The following DRC1 variants were observed in gnomAD, a reference collection of about 807,000 sequenced individuals.
DRC1 encodes the protein dynein regulatory complex subunit 1, also known as dynein regulatory complex protein 1.
DRC1 carries 74 observed loss-of-function variants against 98.7 expected under a neutral mutation model. The ratio of observed to expected loss-of-function variants is 0.75; its 90% CI spans 0.62 to 0.91. DRC1 has a LOEUF of 0.91. Among genes scored for constraint, DRC1 ranks in the 40% least tolerant of loss-of-function variants. The probability of loss-of-function intolerance (pLI) is 0.00; values close to 1 mark genes in which losing one functional copy is unlikely to be tolerated. For missense variants in DRC1, 875 were observed against 886.0 expected, an observed-to-expected ratio of 0.99 and a Z score of 0.16; for synonymous variants, 336 against 334.1, an observed-to-expected ratio of 1.01 and a Z score of -0.06.
intron 7 of DRC1, among the ~76,000 whole-genome samples, chr2:26,435,917 A>G (rs967413684): frequency 6.6e-6 from 1 of 152,210 alleles, no homozygotes. Context: ...TGCAATGAAC[A>G]TATGCATGCA....
At chr2:26,447,305 C>T (rs1214221517) in intron 10 of DRC1, among the ~76,000 whole-genome samples, 5 of 151,566 alleles carry the variant, frequency 3.3e-5, no homozygotes, top group Non-Finnish European at 7.4e-5. Context: ...TCCAGCTACT[C>T]AGGAGGCTGA....
At chr2:26,412,839 G>A (rs1448925160) in intron 1 of DRC1, among the ~76,000 whole-genome samples, 1 of 152,100 alleles carries the variant, frequency 6.6e-6, no homozygotes, top group Non-Finnish European at 1.5e-5. Flanking sequence ...GTGCAGTGGC[G>A]CTATCTCGGC....
At chr2:26,426,153 C>G (rs144780433) in intron 4 of DRC1, among the ~76,000 whole-genome samples, 2,269 of 152,248 alleles carry the variant, frequency 0.015, 29 homozygotes, top group Non-Finnish European at 0.022. Flanking sequence ...AAGAGACTAT[C>G]CTTTCTCCAC....
At chr2:26,408,136 A>C (rs1199602551) in intron 1 of DRC1, among the ~76,000 whole-genome samples, 2 of 152,150 alleles carry the variant, frequency 1.3e-5, no homozygotes, top group African/African-American at 4.8e-5. Context: ...TTCAGTTGAC[A>C]TCTAGAAGTG....
chr2:26,426,971 G>C (rs1044549447), intron 4 of DRC1, among the ~76,000 whole-genome samples: 2 of 151,972 alleles, frequency 1.3e-5, no homozygotes, highest in African/African-American at 4.8e-5. Flanking sequence ...AGTGTACAAG[G>C]CTTTTGCCTA....
Position 26,454,531 on chromosome 2 carries a change from T to TG in DRC1, c.1920-114dup. ...AGAACCTGCCACCGTCTAATAAACT[T>TG]GGACTGCTGAGTGGGAAGGTGACAG... is the stretch of plus-strand genomic sequence containing the variant. On this transcript the variant is annotated intron_variant, in intron 14 of 16. Coordinates refer to ENST00000288710, the MANE Select transcript of DRC1 (RefSeq NM_145038.5). This position sits in a 1 kb window ranked among gnomAD's most constrained non-coding sequence, Gnocchi z 5.2. 1 of 1,447,374 alleles carries TG rather than the reference T, an allele frequency of 6.9e-7. No homozygotes were observed. The highest frequency in any genetic ancestry group is 2.3e-5 in the East Asian group (1 of 43,622). 89.7% of individuals were successfully genotyped at this position (1,447,374 alleles called of 1,614,324 possible).
intron 7 of DRC1, among the ~76,000 whole-genome samples, chr2:26,439,934 T>TATATATATATATATATATATAC (rs1017038187): frequency 1.3e-4 from 14 of 111,686 alleles, no homozygotes; most frequent in African/African-American, 4.9e-4. Context: ...TATATATATA[T>TATATATATATATATATATATAC]ATACACACAC....
At chr2:26,414,966 A>C (rs1678748945) in intron 2 of DRC1, among the ~76,000 whole-genome samples, 1 of 151,928 alleles carries the variant, frequency 6.6e-6, no homozygotes, top group African/African-American at 2.4e-5. Flanking sequence ...GCCCAGCCTG[A>C]GCTCCCTTTC....
At chr2:26,442,120 A>G (rs1663732825) in intron 8 of DRC1, among the ~76,000 whole-genome samples, 1 of 152,208 alleles carries the variant, frequency 6.6e-6, no homozygotes, top group African/African-American at 2.4e-5. Context: ...ACAGTAGAAG[A>G]GCGGGAGAGC....
intron 4 of DRC1, among the ~76,000 whole-genome samples, chr2:26,428,546 C>G (rs539186402): frequency 1.3e-5 from 2 of 152,318 alleles, no homozygotes; most frequent in South Asian, 2.1e-4. Context: ...CGCCTGTAAT[C>G]CCAGCACTTT....
At chr2:26,448,906 C>T (rs1478829535) in intron 11 of DRC1, 103 bp downstream of exon 11, 76 of 1,182,064 alleles carry the variant, frequency 6.4e-5, no homozygotes, top group Non-Finnish European at 4.9e-6. Flanking sequence ...TGGGCCAGTC[C>T]TCCCCTGGCC....
At chr2:26,449,616 T>C (rs2148004208) in intron 11 of DRC1, among the ~76,000 whole-genome samples, 1 of 152,356 alleles carries the variant, frequency 6.6e-6, no homozygotes, top group East Asian at 1.9e-4. Context: ...TGCTGTGTTC[T>C]GTAGATATTT....
At chr2:26,456,354 G>A (rs940924004) in intron 16 of DRC1, 107 bp from the exon 17 acceptor site, 1 of 1,355,802 alleles carries the variant, frequency 7.4e-7, no homozygotes, top group Non-Finnish European at 1.0e-6. Flanking sequence ...GAGAGGAGAT[G>A]CGTGCAGGGC....
rs115680612 is a variant in DRC1, at chr2:26,435,007, A to G, written c.888+3001A>G. On this transcript the variant is annotated intron_variant, in intron 7 of 16. Coordinates refer to ENST00000288710, the MANE Select transcript of DRC1 (RefSeq NM_145038.5). ...ACATTGCCAGTCTTAGGGTTCCAAC[A>G]TGGAATCCTGCAGGCCCAGTTTAGG... Among the ~76,000 whole-genome samples, 644 of 152,336 alleles carry G rather than the reference A, an allele frequency of 4.2e-3. 1 individual carries two copies. Among genetic ancestry groups the G allele is most frequent in the Admixed American group, 7.4e-3 (113 of 15,302 alleles).
chr2:26,430,837 T>C lies in DRC1; in HGVS notation c.730T>C (p.Trp244Arg). The C allele has an allele frequency of 6.2e-7, 1 of 1,613,912 alleles. No individual in the cohort carries two copies. Among genetic ancestry groups the C allele is most frequent in the Non-Finnish European group, 8.5e-7 (1 of 1,179,952 alleles). Residue 244 changes from tryptophan (W) to arginine (R), a missense_variant, in exon 6 of 17, where the codon TGG becomes CGG. Coordinates refer to ENST00000288710, the MANE Select transcript of DRC1 (RefSeq NM_145038.5). The part of the protein sequence containing the change: ...QELLASNKKK[W>R]EQALQAHNAK... Reference sequence around the variant, plus strand: ...GCTACTGGCCAGTAATAAGAAGAAATGGGAGCAAGCCCTTCAGGCTCATAA... The same window carrying C: ...GCTACTGGCCAGTAATAAGAAGAAACGGGAGCAAGCCCTTCAGGCTCATAA...
intron 8 of DRC1, among the ~76,000 whole-genome samples, chr2:26,441,465 T>C (rs1384398166): frequency 1.3e-5 from 2 of 151,988 alleles, no homozygotes; most frequent in African/African-American, 4.8e-5. Flanking sequence ...GGGACAATAT[T>C]TATGAAAAAA....
At chr2:26,421,448 A>C (rs373304971) in intron 3 of DRC1, 48 bp downstream of exon 3, 54 of 1,530,752 alleles carry the variant, frequency 3.5e-5, no homozygotes, top group Non-Finnish European at 4.4e-5. Flanking sequence ...GGTAATCTCC[A>C]TGGGTCCGGC....
chr2:26,419,759 G>T (rs1663075216), intron 2 of DRC1, among the ~76,000 whole-genome samples: 1 of 152,120 alleles, frequency 6.6e-6, no homozygotes, highest in Non-Finnish European at 1.5e-5. Context: ...ATAACCTAAG[G>T]ATACTCGAAC....
At position 26,426,448 on chromosome 2, in the gene DRC1, C is replaced by T. The variant is rs184867632; in HGVS notation, c.540+1994C>T. ...GTGGTTTGATCTCGGCTCACTGCAA[C>T]CTCCGTCTCTAGGGTTAGAGCAATT... On this transcript the variant is annotated intron_variant, in intron 4 of 16. Coordinates refer to ENST00000288710, the MANE Select transcript of DRC1 (RefSeq NM_145038.5). 7.3e-5 allele frequency among the ~76,000 whole-genome samples: 11 copies of T among 151,420 alleles called. No homozygotes were observed. The East Asian group carries it at 2.1e-3, about 30-fold the overall frequency.
Sources: gnomAD v4.1 joint callset for allele counts (sites outside exome capture counted in the v4.1 genomes callset) on GRCh38, gnomAD v4.1.1 for gene constraint, Gnocchi (gnomAD v3.1) non-coding constraint, MANE v1.5 for transcripts, NCBI Gene and HGNC (gene_info 2026-07-23, HGNC 2026-07-21) for gene names.